CCDC7: variants seen among roughly 807,000 people sequenced by gnomAD.
The protein encoded by CCDC7 is coiled-coil domain-containing protein 7.
Under a neutral mutation model 196.9 loss-of-function variants are expected in CCDC7, and 183 were observed. That is an observed-to-expected ratio of 0.93 (90% CI 0.82 to 1.05). The LOEUF is 1.05. CCDC7 is among the 50% of genes least tolerant of loss of function. CCDC7 has a pLI of 0.00. For missense variants in CCDC7, 1,540 were observed against 1,482.2 expected, an observed-to-expected ratio of 1.04 and a Z score of -0.64; for synonymous variants, 525 against 484.6, an observed-to-expected ratio of 1.08 and a Z score of -1.10.
chr10:32,716,978 CAG>C (rs2081697167), intron 25 of CCDC7, among the ~76,000 whole-genome samples: 1 of 152,082 alleles, frequency 6.6e-6, no homozygotes, highest in Non-Finnish European at 1.5e-5. Flanking sequence ...ATCAATGAGA[CAG>C]AAAATTAACA....
intron 11 of CCDC7, among the ~76,000 whole-genome samples, chr10:32,528,251 C>T (rs1373069693): frequency 2.0e-5 from 3 of 149,012 alleles, no homozygotes; most frequent in Non-Finnish European, 4.4e-5. Flanking sequence ...GTATATGTAG[C>T]ACGTTTCTTT....
At chr10:32,460,753 AT>A (rs1326762014) in intron 3 of CCDC7, among the ~76,000 whole-genome samples, 1 of 152,184 alleles carries the variant, frequency 6.6e-6, no homozygotes, top group Non-Finnish European at 1.5e-5. Context: ...TAGCTTAGTG[AT>A]TCTCAGACTT....
chr10:32,660,764 C>G (rs1159253051), intron 20 of CCDC7, among the ~76,000 whole-genome samples: 1 of 151,716 alleles, frequency 6.6e-6, no homozygotes, highest in Non-Finnish European at 1.5e-5. Flanking sequence ...GGAAAACTGG[C>G]TAGCCATATA....
chr10:32,456,381 C>A, intron 3 of CCDC7, 47 bp downstream of exon 4: 2 of 1,393,588 alleles, frequency 1.4e-6, no homozygotes, highest in Non-Finnish European at 9.5e-7. Flanking sequence ...CAAACTTGTA[C>A]TGGTTGTTGA....
intron 20 of CCDC7, among the ~76,000 whole-genome samples, chr10:32,651,678 A>C (rs941560081): frequency 6.6e-6 from 1 of 151,986 alleles, no homozygotes; most frequent in Non-Finnish European, 1.5e-5. Context: ...GGAAAAGTTT[A>C]TTGCAGGGTT....
chr10:32,667,438 T>C lies in CCDC7; in HGVS notation c.2122+3277T>C, dbSNP rs553186294. The stretch of plus-strand genomic sequence containing the variant: ...CTTTTGGTGTTTTAGACATGAAGTC[T>C]TTACCCATGCCTATGTCCTGAATGG... On this transcript the variant is annotated intron_variant, in intron 21 of 41. Coordinates refer to ENST00000639629, the Ensembl canonical transcript of CCDC7. Among the ~76,000 whole-genome samples the C allele has an allele frequency of 2.2e-4, 34 of 152,212 alleles. No individual in the cohort carries two copies. In the South Asian group the frequency reaches 6.4e-3, roughly 29 times the overall value.
chr10:32,469,274 A>G (rs1322854922), intron 5 of CCDC7, among the ~76,000 whole-genome samples: 1 of 152,252 alleles, frequency 6.6e-6, no homozygotes, highest in Non-Finnish European at 1.5e-5. Flanking sequence ...TAGACATTCT[A>G]CTAAAGGAGT....
chr10:32,518,048 A>T, intron 10 of CCDC7, 73 bp downstream of exon 11: 1 of 1,482,814 alleles, frequency 6.7e-7, no homozygotes. Flanking sequence ...AATTGTCAGG[A>T]TACATAATCC....
intron 15 of CCDC7, among the ~76,000 whole-genome samples, chr10:32,568,517 G>C (rs1209310805): frequency 6.6e-6 from 1 of 152,028 alleles, no homozygotes; most frequent in African/African-American, 2.4e-5. Context: ...AATAAAAATA[G>C]TTTCTCCGAG....
At chr10:32,737,962 C>T (rs186790951) in intron 28 of CCDC7, among the ~76,000 whole-genome samples, 191 of 152,098 alleles carry the variant, frequency 1.3e-3, no homozygotes, top group South Asian at 2.5e-3. Context: ...TTTTTTTATT[C>T]ACCTACTCTG....
At chr10:32,575,782 G>C (rs1380802005) in intron 16 of CCDC7, among the ~76,000 whole-genome samples, 2 of 152,198 alleles carry the variant, frequency 1.3e-5, no homozygotes, top group South Asian at 2.1e-4. Flanking sequence ...CCTCACTGCT[G>C]TCTATCCTTT....
intron 28 of CCDC7, among the ~76,000 whole-genome samples, chr10:32,759,148 T>C (rs1592443500): frequency 6.6e-6 from 1 of 152,078 alleles, no homozygotes; most frequent in Non-Finnish European, 1.5e-5. Flanking sequence ...GAATCAATAT[T>C]GTGAAAATGG....
intron 11 of CCDC7, among the ~76,000 whole-genome samples, chr10:32,531,154 A>G (rs1589586213): frequency 6.6e-6 from 1 of 151,992 alleles, no homozygotes; most frequent in South Asian, 2.1e-4. Flanking sequence ...ACAGAGTCTC[A>G]TTCTGTCACC....
chr10:32,586,330 T>A (rs1245814192), intron 18 of CCDC7, among the ~76,000 whole-genome samples: 1 of 152,248 alleles, frequency 6.6e-6, no homozygotes, highest in East Asian at 1.9e-4. Flanking sequence ...AGGCTGCTTG[T>A]TCACTCTGAT....
intron 22 of CCDC7, among the ~76,000 whole-genome samples, 196 bp from the exon 24 acceptor site, chr10:32,688,857 T>C (rs1591612135): frequency 6.6e-6 from 1 of 152,228 alleles, no homozygotes; most frequent in East Asian, 1.9e-4. Context: ...GGAATATTGA[T>C]ATGGTGAGAT....
At chr10:32,638,919 G>C (rs527870936) in intron 20 of CCDC7, among the ~76,000 whole-genome samples, 2 of 152,100 alleles carry the variant, frequency 1.3e-5, no homozygotes, top group African/African-American at 4.8e-5. Flanking sequence ...CCTGTTATTG[G>C]TCTATTCAGA....
At chr10:32,846,228 G>A (rs2093286403) in intron 36 of CCDC7, 148 bp from the exon 38 acceptor site, 1 of 616,164 alleles carries the variant, frequency 1.6e-6, no homozygotes, top group Non-Finnish European at 2.9e-6. Context: ...GTGTCTACAT[G>A]TTATTATTAC....
At chr10:32,671,865 G>A (rs11009027) in intron 21 of CCDC7, among the ~76,000 whole-genome samples, 21,041 of 152,076 alleles carry the variant, frequency 0.14, 1,761 homozygotes, top group East Asian at 0.25. Flanking sequence ...CAAAGATTTC[G>A]AGGATCCTCA....
At chr10:32,613,692 G>A (rs921906842) in intron 18 of CCDC7, among the ~76,000 whole-genome samples, 1 of 152,170 alleles carries the variant, frequency 6.6e-6, no homozygotes, top group Non-Finnish European at 1.5e-5. Flanking sequence ...TACAAGAGCA[G>A]GTTGTTCAGT....
Sources: gnomAD v4.1 joint callset for allele counts (sites outside exome capture counted in the v4.1 genomes callset) on GRCh38, gnomAD v4.1.1 for gene constraint, MANE v1.5 for transcripts, NCBI Gene and HGNC (gene_info 2026-07-23, HGNC 2026-07-21) for gene names.